HS2ST1: variants seen among roughly 807,000 people sequenced by gnomAD.
The protein encoded by HS2ST1 is heparan sulfate 2-O-sulfotransferase 1, also known as 2-O-sulfotransferase.
In HS2ST1, 18 loss-of-function variants were observed where a neutral mutation model predicts 42.9. That is an observed-to-expected ratio of 0.42 (90% CI 0.29 to 0.62). The LOEUF is 0.62. Among genes scored for constraint, HS2ST1 ranks in the 20% least tolerant of loss-of-function variants. The probability of loss-of-function intolerance (pLI) is 0.21; values close to 1 mark genes in which losing one functional copy is unlikely to be tolerated. For synonymous variants in HS2ST1, 146 were observed against 152.9 expected, an observed-to-expected ratio of 0.95 and a Z score of 0.33; for missense variants, 334 against 433.8, an observed-to-expected ratio of 0.77 and a Z score of 2.04.
At chr1:86,926,729 T>C (rs1186363339) in intron 1 of HS2ST1, among the ~76,000 whole-genome samples, 1 of 152,210 alleles carries the variant, frequency 6.6e-6, no homozygotes, top group East Asian at 1.9e-4. Flanking sequence ...TACTTAGTAA[T>C]TAAAACTAAT....
intron 1 of HS2ST1, among the ~76,000 whole-genome samples, chr1:87,044,761 G>T (rs1481129217): frequency 1.3e-5 from 2 of 152,196 alleles, no homozygotes. Flanking sequence ...ATAGCATACT[G>T]CAGTGTGTCT....
At chr1:87,042,723 A>G (rs1451507895) in intron 1 of HS2ST1, among the ~76,000 whole-genome samples, 1 of 152,166 alleles carries the variant, frequency 6.6e-6, no homozygotes, top group East Asian at 1.9e-4. Flanking sequence ...CAGAATATCA[A>G]GATGATAAAT....
intron 1 of HS2ST1, among the ~76,000 whole-genome samples, chr1:87,008,615 C>T (rs931532665): frequency 1.3e-5 from 2 of 152,072 alleles, no homozygotes; most frequent in African/African-American, 4.8e-5. Context: ...AATGTTTTGA[C>T]AGCCATTTAA....
intron 1 of HS2ST1, among the ~76,000 whole-genome samples, chr1:87,047,406 A>G (rs753260132): frequency 6.6e-6 from 1 of 151,928 alleles, no homozygotes; most frequent in Non-Finnish European, 1.5e-5. Flanking sequence ...TCATTTCTGT[A>G]TCTTTTAATT....
At position 86,941,130 on chromosome 1, in the gene HS2ST1, A is replaced by G. The variant is rs137860924; in HGVS notation, c.124+25970A>G. On this transcript the variant is annotated intron_variant, in intron 1 of 6. Transcript: ENST00000370550. The stretch of plus-strand genomic sequence containing the variant: ...TTTAGAAGCATCTTCGTGAATAGTT[A>G]CTGATGTAGGCCAGTTCTTGGCAAA... Among the ~76,000 whole-genome samples, 4 of 152,328 alleles carry G rather than the reference A, an allele frequency of 2.6e-5. No individual in the cohort carries two copies. The East Asian group carries it at 7.7e-4, about 29-fold the overall frequency.
At chr1:87,049,988 T>C (rs1056887219) in intron 1 of HS2ST1, among the ~76,000 whole-genome samples, 8 of 152,084 alleles carry the variant, frequency 5.3e-5, no homozygotes, top group Non-Finnish European at 1.2e-4. Flanking sequence ...CCCTTTATCA[T>C]TATGAAATGA....
rs553123736 is a variant in HS2ST1, at chr1:87,010,480, G to C, written c.125-62454G>C. On this transcript the variant is annotated intron_variant, in intron 1 of 6. Coordinates refer to ENST00000370550, the MANE Select transcript of HS2ST1 (RefSeq NM_012262.4). Reference sequence around the variant, plus strand: ...TAACTTCTTACTGCAAAAATAAATTGGCAATAATGTAGGAAAAAAATATTA... The same window carrying C: ...TAACTTCTTACTGCAAAAATAAATTCGCAATAATGTAGGAAAAAAATATTA... 2.0e-3 allele frequency among the ~76,000 whole-genome samples: 306 copies of C among 152,090 alleles called. 1 individual carries two copies. The highest frequency in any genetic ancestry group is 3.1e-3 in the Non-Finnish European group (209 of 67,986).
At chr1:87,097,655 G>A (rs1406195670) in intron 4 of HS2ST1, among the ~76,000 whole-genome samples, 183 bp from the exon 5 acceptor site, 5 of 152,158 alleles carry the variant, frequency 3.3e-5, no homozygotes, top group Admixed American at 6.5e-5. Flanking sequence ...GCCTCCCAAA[G>A]TGCTGGGATT....
chr1:87,055,913 T>C (rs1251975363), intron 1 of HS2ST1, among the ~76,000 whole-genome samples: 1 of 152,238 alleles, frequency 6.6e-6, no homozygotes, highest in Non-Finnish European at 1.5e-5. Context: ...CTTAATATTC[T>C]GTCACAATAT....
At chr1:86,930,419 A>G (rs1459980998) in intron 1 of HS2ST1, among the ~76,000 whole-genome samples, 3 of 151,934 alleles carry the variant, frequency 2.0e-5, no homozygotes, top group African/African-American at 7.2e-5. Context: ...GAGAAACAAC[A>G]TGAACCTTTT....
At chr1:86,991,738 A>C (rs1199433718) in intron 1 of HS2ST1, among the ~76,000 whole-genome samples, 2 of 152,224 alleles carry the variant, frequency 1.3e-5, no homozygotes, top group African/African-American at 4.8e-5. Context: ...AATGGAGATA[A>C]GACTTGTACC....
chr1:87,039,949 G>A (rs774057578), intron 1 of HS2ST1, among the ~76,000 whole-genome samples: 6 of 152,118 alleles, frequency 3.9e-5, no homozygotes, highest in Non-Finnish European at 8.8e-5. Flanking sequence ...CTAATTAGTG[G>A]CATTTTAAAA....
chr1:87,004,386 G>A (rs1283036899), intron 1 of HS2ST1, among the ~76,000 whole-genome samples: 2 of 152,134 alleles, frequency 1.3e-5, no homozygotes, highest in Non-Finnish European at 2.9e-5. Context: ...GGGAGACTCT[G>A]TCTCAAAACA....
At chr1:87,072,124 C>T (rs1651427840) in intron 1 of HS2ST1, among the ~76,000 whole-genome samples, 1 of 151,980 alleles carries the variant, frequency 6.6e-6, no homozygotes, top group Non-Finnish European at 1.5e-5. Context: ...GCTTTTGAAA[C>T]CACATAGCAG....
chr1:87,032,600 A>G (rs950208177), intron 1 of HS2ST1, among the ~76,000 whole-genome samples: 6 of 152,180 alleles, frequency 3.9e-5, no homozygotes, highest in African/African-American at 1.4e-4. Flanking sequence ...ACAAGTATTC[A>G]CAGATTGTTC....
At chr1:87,026,759 A>G (rs1170727341) in intron 1 of HS2ST1, among the ~76,000 whole-genome samples, 6 of 152,160 alleles carry the variant, frequency 3.9e-5, no homozygotes, top group Admixed American at 3.3e-4. Context: ...ATGGCAACAT[A>G]AAACTAGGGT....
intron 1 of HS2ST1, among the ~76,000 whole-genome samples, chr1:86,954,273 C>T (rs1293569025): frequency 3.3e-5 from 5 of 151,552 alleles, no homozygotes; most frequent in East Asian, 3.9e-4. Flanking sequence ...CACTTGAACC[C>T]GGGAGGCAGA....
chr1:87,073,301 G>C (rs1274695551), intron 2 of HS2ST1, 129 bp downstream of exon 2: 1 of 683,410 alleles, frequency 1.5e-6, no homozygotes, highest in Non-Finnish European at 2.6e-6. Context: ...CCTTTTAGGG[G>C]AGAGGGCCAG....
chr1:87,082,432 A>G (rs1651718344), intron 2 of HS2ST1, among the ~76,000 whole-genome samples: 2 of 152,132 alleles, frequency 1.3e-5, no homozygotes, highest in Admixed American at 6.5e-5. Context: ...TCAGACCTCA[A>G]TGTAGCATCT....
Sources: gnomAD v4.1 joint callset for allele counts (sites outside exome capture counted in the v4.1 genomes callset) on GRCh38, gnomAD v4.1.1 for gene constraint, MANE v1.5 for transcripts, NCBI Gene and HGNC (gene_info 2026-07-23, HGNC 2026-07-21) for gene names.